Variants in RAB31 observed in about 807,000 individuals in gnomAD.
The protein encoded by RAB31 is RAB31, member RAS oncogene family.
A neutral mutation model predicts 25.6 loss-of-function variants in RAB31; 21 were observed. That is an observed-to-expected ratio of 0.82 (90% CI 0.58 to 1.18). The LOEUF is 1.18. Among genes scored for constraint, RAB31 ranks in the 50% most tolerant of loss-of-function variants. The pLI, the probability that RAB31 is intolerant of heterozygous loss-of-function variation, is 0.00. For synonymous variants in RAB31, 87 were observed against 84.0 expected (o/e 1.04, Z -0.20); for missense variants, 196 against 250.1 (o/e 0.78, Z 1.46).
At chr18:9,732,043 A>G (rs1229566863) in intron 1 of RAB31, among the ~76,000 whole-genome samples, 1 of 152,238 alleles carries the variant, frequency 6.6e-6, no homozygotes, top group Admixed American at 6.5e-5. Context: ...CGCAGAGGAC[A>G]AAATGCAGAA....
At chr18:9,828,866 G>A (rs562705637) in intron 5 of RAB31, among the ~76,000 whole-genome samples, 3 of 152,246 alleles carry the variant, frequency 2.0e-5, no homozygotes, top group Non-Finnish European at 2.9e-5. Flanking sequence ...TGCACGATGC[G>A]TTTTCCTTAT....
At chr18:9,855,585 C>A (rs1211163011) in intron 6 of RAB31, among the ~76,000 whole-genome samples, 2 of 152,168 alleles carry the variant, frequency 1.3e-5, no homozygotes, top group Non-Finnish European at 2.9e-5. Flanking sequence ...ATTCTGAATA[C>A]CTTAGGCCCT....
chr18:9,719,330 A>T (rs55680536), intron 1 of RAB31, among the ~76,000 whole-genome samples: 7,936 of 31,610 alleles, frequency 0.25, 1,626 homozygotes, highest in East Asian at 0.43. Context: ...TATATATATA[A>T]ATAAATAAAT....
At chr18:9,792,660 A>G (rs2068466972) in intron 3 of RAB31, among the ~76,000 whole-genome samples, 3 of 152,134 alleles carry the variant, frequency 2.0e-5, no homozygotes, top group Non-Finnish European at 2.9e-5. Flanking sequence ...GTGGGAACAT[A>G]CATCTTAGTG....
chr18:9,755,800 C>A (rs1328382675), intron 1 of RAB31, among the ~76,000 whole-genome samples: 1 of 152,196 alleles, frequency 6.6e-6, no homozygotes, highest in Non-Finnish European at 1.5e-5. Flanking sequence ...TGCCTCATCT[C>A]TGACCTCAGG....
chr18:9,759,449 G>A (rs867819205), intron 1 of RAB31, among the ~76,000 whole-genome samples: 5 of 151,728 alleles, frequency 3.3e-5, no homozygotes, highest in Admixed American at 1.3e-4. Context: ...GGGATTATAA[G>A]CGTGAGCCAC....
chr18:9,749,933 A>G (rs1568169229), intron 1 of RAB31, among the ~76,000 whole-genome samples: 1 of 152,138 alleles, frequency 6.6e-6, no homozygotes, highest in Non-Finnish European at 1.5e-5. Flanking sequence ...GGACAAGAAA[A>G]TTGAGCTCGT....
At chr18:9,800,691 A>C (rs1399178490) in intron 3 of RAB31, among the ~76,000 whole-genome samples, 4 of 152,162 alleles carry the variant, frequency 2.6e-5, no homozygotes, top group African/African-American at 9.7e-5. Flanking sequence ...CCCACTCTGG[A>C]GCTTTAGCAG....
intron 5 of RAB31, among the ~76,000 whole-genome samples, chr18:9,830,006 A>ATATTATTATTAT (rs201291302): frequency 1.5e-4 from 22 of 150,634 alleles, no homozygotes; most frequent in Middle Eastern, 3.5e-3. Flanking sequence ...CTTTTAAAAA[A>ATATTATTATTAT]TATTATTATT....
At position 9,720,909 on chromosome 18, in the gene RAB31, A is replaced by G. The variant is rs368062585; in HGVS notation, c.39+12465A>G. 9.5e-4 allele frequency among the ~76,000 whole-genome samples: 144 copies of G among 152,174 alleles called. 5 individuals carry two copies. The South Asian group carries it at 0.028, about 29-fold the overall frequency. On this transcript the variant is annotated intron_variant, in intron 1 of 6. Transcript: ENST00000578921. ...TTGAGTTTATAGCTTCGGTGAAATG[A>G]CAGGTCTGGCATCAACAGGATGCAG...
At chr18:9,833,372 GCCC>G (rs1156797314) in intron 5 of RAB31, among the ~76,000 whole-genome samples, 1 of 152,162 alleles carries the variant, frequency 6.6e-6, no homozygotes, top group Non-Finnish European at 1.5e-5. Context: ...GGACGACAGG[GCCC>G]CCAGAAGGGA....
intron 2 of RAB31, among the ~76,000 whole-genome samples, chr18:9,782,740 A>G (rs1294342134): frequency 6.6e-6 from 1 of 152,140 alleles, no homozygotes; most frequent in African/African-American, 2.4e-5. Flanking sequence ...TCTGTCACCC[A>G]GGCTGGAGTG....
intron 2 of RAB31, 27 bp from the exon 3 acceptor site, chr18:9,792,127 G>T: frequency 5.6e-6 from 9 of 1,594,278 alleles, no homozygotes; most frequent in Non-Finnish European, 7.7e-6. Flanking sequence ...ATGCAGTAAT[G>T]TGGAGATGCT....
At chr18:9,807,044 G>T (rs1031425794) in intron 3 of RAB31, among the ~76,000 whole-genome samples, 3 of 152,184 alleles carry the variant, frequency 2.0e-5, no homozygotes, top group Non-Finnish European at 4.4e-5. Flanking sequence ...GGAAACTTTG[G>T]ACGTCCAGTC....
intron 1 of RAB31, among the ~76,000 whole-genome samples, chr18:9,714,636 A>G (rs766492312): frequency 3.9e-5 from 6 of 152,232 alleles, no homozygotes; most frequent in Admixed American, 3.9e-4. Flanking sequence ...CAGATTTTAC[A>G]CTTTCATTTA....
At chr18:9,737,598 T>C (rs2068157169) in intron 1 of RAB31, among the ~76,000 whole-genome samples, 1 of 152,206 alleles carries the variant, frequency 6.6e-6, no homozygotes, top group South Asian at 2.1e-4. Flanking sequence ...CTCCTGCGGC[T>C]CTTCTGCAGA....
intron 5 of RAB31, among the ~76,000 whole-genome samples, chr18:9,834,813 A>C (rs969023978): frequency 3.9e-5 from 6 of 152,160 alleles, no homozygotes; most frequent in African/African-American, 1.4e-4. Flanking sequence ...AAGACAGAGT[A>C]ATCTCTTTTG....
At chr18:9,835,352 C>G (rs191711354) in intron 5 of RAB31, among the ~76,000 whole-genome samples, 47 of 151,654 alleles carry the variant, frequency 3.1e-4, no homozygotes, top group Admixed American at 3.3e-4. Flanking sequence ...GGTTCTTTCT[C>G]TGGCCTCTTC....
chr18:9,758,437 T>C (rs1268615467), intron 1 of RAB31, among the ~76,000 whole-genome samples: 1 of 151,968 alleles, frequency 6.6e-6, no homozygotes, highest in Non-Finnish European at 1.5e-5. Context: ...TGGCCTCTGC[T>C]TGTGTTCTCC....
Sources: allele counts gnomAD v4.1 joint callset (sites outside exome capture counted in the v4.1 genomes callset), GRCh38; gene constraint gnomAD v4.1.1; transcripts MANE v1.5; gene names NCBI Gene and HGNC (gene_info 2026-07-23, HGNC 2026-07-21).